Variants in ADAM22 observed in about 807,000 individuals in gnomAD.
ADAM22 encodes the protein disintegrin and metalloproteinase domain-containing protein 22.
A neutral mutation model predicts 144.6 loss-of-function variants in ADAM22; 65 were observed. The observed-to-expected ratio is 0.45, with a 90% CI of 0.37 to 0.55. ADAM22 has a LOEUF of 0.55. ADAM22 is among the 20% of genes least tolerant of loss of function. The pLI is 0.00. For synonymous variants in ADAM22, 391 were observed against 412.6 expected, an observed-to-expected ratio of 0.95 and a Z score of 0.63; for missense variants, 974 against 1,184.9, an observed-to-expected ratio of 0.82 and a Z score of 2.61.
chr7:87,942,962 A>C (rs1842766107), intron 2 of ADAM22, among the ~76,000 whole-genome samples: 1 of 152,116 alleles, frequency 6.6e-6, no homozygotes, highest in African/African-American at 2.4e-5. Context: ...ACGTGATATC[A>C]TTCAGGTAAA....
chr7:88,155,824 T>A, intron 21 of ADAM22, 63 bp from the exon 22 acceptor site: 1 of 1,555,186 alleles, frequency 6.4e-7, no homozygotes, highest in Non-Finnish European at 8.7e-7. Context: ...AGAAGATTAT[T>A]CTAACTGTAC....
chr7:87,981,516 C>T (rs1238052874), intron 3 of ADAM22, among the ~76,000 whole-genome samples: 1 of 151,704 alleles, frequency 6.6e-6, no homozygotes, highest in African/African-American at 2.4e-5. Flanking sequence ...ATGGGGTTGC[C>T]CATGAAGAAT....
At chr7:88,145,972 T>C (rs1457230832) in intron 17 of ADAM22, among the ~76,000 whole-genome samples, 2 of 152,150 alleles carry the variant, frequency 1.3e-5, no homozygotes, top group Non-Finnish European at 2.9e-5. Context: ...AGGGAGTACT[T>C]TGAGACATGA....
At chr7:87,955,248 T>C (rs1026274856) in intron 2 of ADAM22, among the ~76,000 whole-genome samples, 4 of 152,246 alleles carry the variant, frequency 2.6e-5, no homozygotes, top group African/African-American at 9.6e-5. Flanking sequence ...CTCTGTTTTT[T>C]CCCCATTTTT....
chr7:88,088,819 A>G (rs908172340), intron 4 of ADAM22, among the ~76,000 whole-genome samples: 1 of 152,238 alleles, frequency 6.6e-6, no homozygotes, highest in Non-Finnish European at 1.5e-5. Context: ...AACAACAACA[A>G]TCCAAAATTA....
chr7:88,152,571 G>A, intron 20 of ADAM22, among the ~76,000 whole-genome samples: 1 of 152,142 alleles, frequency 6.6e-6, no homozygotes, highest in Non-Finnish European at 1.5e-5. Context: ...AAAATATGCT[G>A]AATGAGAAAT....
chr7:88,113,703 A>AATGTAT lies in ADAM22; in HGVS notation c.474-879_474-878insGTATAT, dbSNP rs1554478727. ...TATATATATTATAAATAAATAAATAAATATATATATATATATATATATATA... is the reference window on the plus strand; with the variant it reads ...TATATATATTATAAATAAATAAATAAATGTATATATATATATATATATATATATATA... On this transcript the variant is annotated intron_variant, in intron 5 of 31. Coordinates refer to ENST00000413139, the MANE Select transcript of ADAM22 (RefSeq NM_001324418.2). Among the ~76,000 whole-genome samples, 25 of 48,106 alleles carry AATGTAT rather than the reference A, an allele frequency of 5.2e-4. 1 individual carries two copies. The highest frequency in any genetic ancestry group is 2.0e-3 in the African/African-American group (25 of 12,498). 31.6% of individuals were successfully genotyped at this position (48,106 alleles called of 152,430 possible).
intron 3 of ADAM22, among the ~76,000 whole-genome samples, chr7:88,039,480 TATATAC>T (rs1226899186): frequency 9.4e-6 from 1 of 105,836 alleles, no homozygotes; most frequent in African/African-American, 3.1e-5. Context: ...TATATATATA[TATATAC>T]ATTTCATGTA....
In ADAM22 at chr7:88,008,464, A is replaced by T. The variant is rs570749249; in HGVS notation, c.323+30052A>T. ...ACACATGCACACATATGTTTATTGCAGCACTATTCACAATAGCAAAGACTT... is the reference window on the plus strand; with the variant it reads ...ACACATGCACACATATGTTTATTGCTGCACTATTCACAATAGCAAAGACTT... On this transcript the variant is annotated intron_variant, in intron 3 of 31. Transcript: ENST00000413139. 3.7e-3 allele frequency among the ~76,000 whole-genome samples: 570 copies of T among 152,184 alleles called. 3 individuals are homozygous for T. The highest frequency in any genetic ancestry group is 0.013 in the African/African-American group (540 of 41,476).
At chr7:88,001,785 G>A (rs778998228) in intron 3 of ADAM22, among the ~76,000 whole-genome samples, 1 of 151,668 alleles carries the variant, frequency 6.6e-6, no homozygotes, top group African/African-American at 2.4e-5. Context: ...GTTACTAGCA[G>A]GTGAGAACTA....
At chr7:87,971,748 C>T (rs1265218324) in intron 2 of ADAM22, among the ~76,000 whole-genome samples, 2 of 152,182 alleles carry the variant, frequency 1.3e-5, no homozygotes, top group Non-Finnish European at 2.9e-5. Flanking sequence ...TCAAACATAC[C>T]TTTTTCCTTA....
intron 2 of ADAM22, among the ~76,000 whole-genome samples, chr7:87,974,078 A>C (rs1198793886): frequency 4.0e-5 from 6 of 151,422 alleles, no homozygotes; most frequent in Non-Finnish European, 7.4e-5. Context: ...CCTAAAACTT[A>C]AAGTATAATA....
intron 2 of ADAM22, among the ~76,000 whole-genome samples, chr7:87,947,084 A>G (rs1843861728): frequency 6.6e-6 from 1 of 152,106 alleles, no homozygotes; most frequent in Non-Finnish European, 1.5e-5. Context: ...CAAGGGTTGA[A>G]AAACTAACTG....
At chr7:88,150,224 G>A (rs1837925702) in intron 18 of ADAM22, among the ~76,000 whole-genome samples, 1 of 152,124 alleles carries the variant, frequency 6.6e-6, no homozygotes, top group Admixed American at 6.6e-5. Context: ...CCATTTACAA[G>A]TTCAATTTGC....
intron 4 of ADAM22, among the ~76,000 whole-genome samples, chr7:88,098,252 A>T (rs1198046842): frequency 6.6e-6 from 1 of 152,190 alleles, no homozygotes; most frequent in Non-Finnish European, 1.5e-5. Flanking sequence ...AGGAAACTAG[A>T]ATGCTGGTTA....
At chr7:88,001,390 C>T (rs1792514052) in intron 3 of ADAM22, among the ~76,000 whole-genome samples, 1 of 152,150 alleles carries the variant, frequency 6.6e-6, no homozygotes, top group South Asian at 2.1e-4. Flanking sequence ...TGGAATTTTA[C>T]ACTTGTAGTA....
At chr7:88,054,156 GATGTC>G (rs141874466) in intron 3 of ADAM22, among the ~76,000 whole-genome samples, 6,489 of 152,126 alleles carry the variant, frequency 0.043, 205 homozygotes, top group Middle Eastern at 0.071. Context: ...GTGGTGCTGT[GATGTC>G]ATGTACACAT....
At chr7:88,032,284 G>A (rs1405050341) in intron 3 of ADAM22, among the ~76,000 whole-genome samples, 1 of 152,216 alleles carries the variant, frequency 6.6e-6, no homozygotes, top group Non-Finnish European at 1.5e-5. Flanking sequence ...AGCTGCTCAG[G>A]GACTTGGGAG....
intron 2 of ADAM22, among the ~76,000 whole-genome samples, chr7:87,940,924 G>T (rs938487198): frequency 3.9e-5 from 6 of 152,130 alleles, no homozygotes; most frequent in Non-Finnish European, 8.8e-5. Context: ...TTGATGGTTT[G>T]ATACTACTCA....
Sources: allele counts gnomAD v4.1 joint callset (sites outside exome capture counted in the v4.1 genomes callset), GRCh38; gene constraint gnomAD v4.1.1; transcripts MANE v1.5; gene names NCBI Gene and HGNC (gene_info 2026-07-23, HGNC 2026-07-21).